ARMH3: variants seen among roughly 807,000 people sequenced by gnomAD.
ARMH3 encodes the protein armadillo like helical domain containing 3, also known as armadillo-like helical domain-containing protein 3.
A neutral mutation model predicts 99.1 loss-of-function variants in ARMH3; 60 were observed. The observed-to-expected ratio is 0.61, with a 90% confidence interval of 0.49 to 0.75. The LOEUF is 0.75. Among genes scored for constraint, ARMH3 ranks in the 30% least tolerant of loss-of-function variants. The pLI, the probability that ARMH3 is intolerant of heterozygous loss-of-function variation, is 0.00. For synonymous variants in ARMH3, 285 were observed against 292.8 expected, an observed-to-expected ratio of 0.97 and a Z score of 0.27; for missense variants, 679 against 843.1, an observed-to-expected ratio of 0.81 and a Z score of 2.41.
At position 101,850,814 on chromosome 10, in the gene ARMH3, T is replaced by C. The variant is rs545666628; in HGVS notation, c.1861-922A>G. Among the ~76,000 whole-genome samples, 11 of 152,214 alleles carry C rather than the reference T, an allele frequency of 7.2e-5. No individual in the cohort carries two copies. The South Asian group carries it at 2.3e-3, about 32-fold the overall frequency. ...TTACTCTGAGTACGGCAAAAGAGCA[T>C]GAGAAGAGGTTACAGAACAGTGAGC... On this transcript the variant is annotated intron_variant, in intron 24 of 25. Coordinates refer to ENST00000370033, the MANE Select transcript of ARMH3 (RefSeq NM_024541.3).
intron 5 of ARMH3, among the ~76,000 whole-genome samples, chr10:102,026,016 T>G (rs2066993579): frequency 6.6e-6 from 1 of 152,164 alleles, no homozygotes; most frequent in African/African-American, 2.4e-5. Flanking sequence ...AGAAACAGTA[T>G]CATTACAGGC....
intron 23 of ARMH3, among the ~76,000 whole-genome samples, chr10:101,924,507 G>A (rs1175365870): frequency 5.3e-5 from 8 of 150,824 alleles, no homozygotes; most frequent in East Asian, 2.0e-4. Flanking sequence ...GACTACAGGC[G>A]CCCGCCACCA....
At chr10:101,853,028 C>T (rs983133941) in intron 24 of ARMH3, among the ~76,000 whole-genome samples, 7 of 151,104 alleles carry the variant, frequency 4.6e-5, no homozygotes, top group South Asian at 2.1e-4. Flanking sequence ...GGATTACAGG[C>T]GCCTGCCACC....
chr10:101,978,330 T>G (rs941494909), intron 19 of ARMH3, among the ~76,000 whole-genome samples: 4 of 152,204 alleles, frequency 2.6e-5, no homozygotes, highest in African/African-American at 9.7e-5. Context: ...AGCTAGTGTC[T>G]CTGGCTCTCA....
intron 24 of ARMH3, among the ~76,000 whole-genome samples, chr10:101,882,150 T>C (rs574890084): frequency 6.6e-6 from 1 of 152,334 alleles, no homozygotes; most frequent in Admixed American, 6.5e-5. Context: ...GGTTGAAGAA[T>C]GCAAGAATGG....
At chr10:101,929,166 G>A (rs1386899940) in intron 23 of ARMH3, among the ~76,000 whole-genome samples, 1 of 152,162 alleles carries the variant, frequency 6.6e-6, no homozygotes, top group East Asian at 1.9e-4. Context: ...CATTATCTAA[G>A]TACTGTGTCC....
At chr10:101,892,499 T>TTGTG (rs1036397426) in intron 23 of ARMH3, among the ~76,000 whole-genome samples, 7 of 152,020 alleles carry the variant, frequency 4.6e-5, no homozygotes, top group Non-Finnish European at 1.0e-4. Context: ...GTATGTGTGT[T>TTGTG]TGTGTGTGTG....
rs10639768 is a variant in ARMH3 at position 102,007,159 on chromosome 10, C to CAAAAAAAAAAAAA, written c.955-539_955-527dup. On this transcript the variant is annotated intron_variant, in intron 13 of 25. Transcript: ENST00000370033. ...CTGGTGACACAGCAAGACTCTATCTCAAAAAAAAAAAAAAAAAAAGAAAAA... is the reference window on the plus strand; with the variant it reads ...CTGGTGACACAGCAAGACTCTATCTCAAAAAAAAAAAAAAAAAAAAAAAAAAAAAAAAGAAAAA... Among the ~76,000 whole-genome samples, 81 of 60,022 alleles carry CAAAAAAAAAAAAA rather than the reference C, an allele frequency of 1.3e-3. 3 individuals carry two copies. The highest frequency in any genetic ancestry group is 5.2e-3 in the East Asian group (8 of 1,542). The allele number at this position is 60,022 out of a possible 152,430, so 39.4% of individuals were successfully genotyped here. A position where few individuals can be genotyped will look rare whatever the true frequency, so the allele number is the denominator to read the frequency against.
At chr10:101,903,013 G>T (rs2068018526) in intron 23 of ARMH3, among the ~76,000 whole-genome samples, 1 of 152,166 alleles carries the variant, frequency 6.6e-6, no homozygotes, top group Non-Finnish European at 1.5e-5. Flanking sequence ...TCACAAAGAG[G>T]TTATTAGCTG....
chr10:101,847,921 G>A, intron 25 of ARMH3, among the ~76,000 whole-genome samples: 1 of 152,212 alleles, frequency 6.6e-6, no homozygotes. Flanking sequence ...GCTGACATCT[G>A]TCTCTGCTTT....
At chr10:101,889,729 G>T in intron 23 of ARMH3, 1 of 447,818 alleles carries the variant, frequency 2.2e-6, no homozygotes, top group South Asian at 2.9e-5. Context: ...CTCTGCAAAT[G>T]AACTAACGGA....
intron 24 of ARMH3, among the ~76,000 whole-genome samples, chr10:101,850,549 T>C (rs2066575394): frequency 6.6e-6 from 1 of 151,912 alleles, no homozygotes; most frequent in Non-Finnish European, 1.5e-5. Context: ...CTCAACCTCC[T>C]GAGTAGCTGG....
chr10:102,010,032 G>T lies in ARMH3; in HGVS notation c.832-9C>A, dbSNP rs2066596526. The T allele has an allele frequency of 6.2e-7, 1 of 1,613,600 alleles. No individual in the cohort carries two copies. Among genetic ancestry groups the T allele is most frequent in the Non-Finnish European group, 8.5e-7 (1 of 1,179,630 alleles). The stretch of plus-strand genomic sequence containing the variant: ...ATGAACATGCTGCCCACCTGTGGAA[G>T]AAAAGGGGAATTGCAAACTTATAGC... On this transcript the variant is annotated splice_polypyrimidine_tract_variant and intron_variant, in intron 11 of 25. Transcript: ENST00000370033.
intron 20 of ARMH3, among the ~76,000 whole-genome samples, chr10:101,966,915 G>T (rs139148898): frequency 2.6e-5 from 4 of 152,256 alleles, no homozygotes; most frequent in African/African-American, 9.6e-5. Context: ...AAAAGGAGAG[G>T]GGAGGCTTAA....
At chr10:102,045,188 G>A (rs544491542) in intron 1 of ARMH3, among the ~76,000 whole-genome samples, 28 of 149,626 alleles carry the variant, frequency 1.9e-4, no homozygotes, top group Non-Finnish European at 3.4e-4. Flanking sequence ...GGAAAAATAT[G>A]TACAGATCCG....
intron 1 of ARMH3, among the ~76,000 whole-genome samples, chr10:102,054,356 T>C (rs2067785467): frequency 6.9e-6 from 1 of 145,876 alleles, no homozygotes; most frequent in Non-Finnish European, 1.5e-5. Flanking sequence ...GCCACTGCAC[T>C]CCAGCCTGGG....
At position 102,046,298 on chromosome 10, in the gene ARMH3, AAGAGAGAAAGAGAGAAAAG is replaced by A. The variant is rs1309436819; in HGVS notation, c.-11-6192_-11-6174del. ...AGAAAGAGAGGGAGAGAGAGAAAGA[AAGAGAGAAAGAGAGAAAAG>A]AGAGAGAAAGAGAAAAGAGAAAAAG... On this transcript the variant is annotated intron_variant, in intron 1 of 25. Transcript: ENST00000370033. Among the ~76,000 whole-genome samples, 6 of 151,736 alleles carry A rather than the reference AAGAGAGAAAGAGAGAAAAG, an allele frequency of 4.0e-5. No individual in the cohort carries two copies. In the South Asian group the frequency reaches 1.0e-3, roughly 26 times the overall value.
chr10:102,009,936 A>G (rs765673414), intron 12 of ARMH3, 41 bp downstream of exon 12: 3 of 1,585,654 alleles, frequency 1.9e-6, no homozygotes, highest in Non-Finnish European at 1.7e-6. Flanking sequence ...GACAGCCCAC[A>G]CTAAAGTCCA....
chr10:101,999,039 C>T (rs370612076), intron 15 of ARMH3, among the ~76,000 whole-genome samples: 8 of 151,932 alleles, frequency 5.3e-5, no homozygotes, highest in African/African-American at 1.9e-4. Flanking sequence ...TATAAAGAAG[C>T]CTTAAAAAGG....
Sources: allele counts gnomAD v4.1 joint callset (sites outside exome capture counted in the v4.1 genomes callset), GRCh38; gene constraint gnomAD v4.1.1; transcripts MANE v1.5; gene names NCBI Gene and HGNC (gene_info 2026-07-23, HGNC 2026-07-21).